JAZF1: variants seen among roughly 807,000 people sequenced by gnomAD.
JAZF1 encodes JAZF zinc finger 1, also known as juxtaposed with another zinc finger protein 1.
JAZF1 carries 8 observed loss-of-function variants against 26.4 expected under a neutral mutation model. That is an observed-to-expected ratio of 0.30 (90% CI 0.18 to 0.55). The LOEUF (loss-of-function observed/expected upper bound fraction) is 0.55, where lower values mean the gene tolerates loss of function less well. Among genes scored for constraint, JAZF1 ranks in the 20% least tolerant of loss-of-function variants. The pLI, the probability that JAZF1 is intolerant of heterozygous loss-of-function variation, is 0.94. For missense variants in JAZF1, 199 were observed against 322.0 expected (o/e 0.62, Z 2.92); for synonymous variants, 126 against 122.3 (o/e 1.03, Z -0.20).
chr7:28,099,765 C>T (rs567863822), intron 1 of JAZF1, among the ~76,000 whole-genome samples: 4 of 152,146 alleles, frequency 2.6e-5, no homozygotes, highest in Admixed American at 6.5e-5. Flanking sequence ...CACGATCCAC[C>T]GCGCCTGGCC....
intron 1 of JAZF1, among the ~76,000 whole-genome samples, chr7:28,058,807 T>C (rs1269916270): frequency 6.6e-6 from 1 of 152,244 alleles, no homozygotes; most frequent in African/African-American, 2.4e-5. Context: ...GATTTTATAG[T>C]GCAATTTTCT....
intron 1 of JAZF1, among the ~76,000 whole-genome samples, chr7:28,124,035 CT>C (rs2127939050): frequency 6.6e-6 from 1 of 152,246 alleles, no homozygotes; most frequent in South Asian, 2.1e-4. Context: ...TTGGGGCTGA[CT>C]TGTGTCCTTC....
At position 27,954,354 on chromosome 7, in the gene JAZF1, G is replaced by A. The variant is rs57852493; in HGVS notation, c.188+37555C>T. ...GGCCCCTGGAAGCTCAGTGCCTGCC[G>A]TCATCTGCAGAGGAACATTCTCTGT... On this transcript the variant is annotated intron_variant, in intron 2 of 4. Transcript: ENST00000283928. 4.7e-3 allele frequency among the ~76,000 whole-genome samples: 723 copies of A among 152,238 alleles called. 4 individuals carry two copies. The highest frequency in any genetic ancestry group is 0.016 in the African/African-American group (683 of 41,538).
chr7:27,892,835 G>A (rs1198711351), intron 3 of JAZF1, among the ~76,000 whole-genome samples: 1 of 152,184 alleles, frequency 6.6e-6, no homozygotes, highest in African/African-American at 2.4e-5. Flanking sequence ...ATACAAAGTT[G>A]AAAACCCCAG....
At chr7:28,053,627 TAA>T (rs1783651351) in intron 1 of JAZF1, among the ~76,000 whole-genome samples, 2 of 152,222 alleles carry the variant, frequency 1.3e-5, no homozygotes, top group African/African-American at 4.8e-5. Context: ...TACCTCCTAT[TAA>T]TGGCAAAAAG....
intron 3 of JAZF1, among the ~76,000 whole-genome samples, chr7:27,882,607 G>C (rs747962679): frequency 2.0e-5 from 3 of 152,216 alleles, no homozygotes; most frequent in Non-Finnish European, 4.4e-5. Flanking sequence ...CAGGAGCAGT[G>C]AGATTCTGTC....
At chr7:28,066,329 C>T (rs1338909226) in intron 1 of JAZF1, among the ~76,000 whole-genome samples, 1 of 152,074 alleles carries the variant, frequency 6.6e-6, no homozygotes, top group African/African-American at 2.4e-5. Context: ...CAAGGCTGGG[C>T]GCAGTGGCTC....
At chr7:27,889,525 A>G (rs1354018703) in intron 3 of JAZF1, among the ~76,000 whole-genome samples, 1 of 152,244 alleles carries the variant, frequency 6.6e-6, no homozygotes, top group Non-Finnish European at 1.5e-5. Context: ...TATAAAAAGA[A>G]AGACAAACTC....
intron 2 of JAZF1, among the ~76,000 whole-genome samples, chr7:27,935,068 G>A (rs534160335): frequency 2.0e-5 from 3 of 152,300 alleles, no homozygotes; most frequent in African/African-American, 7.2e-5. Context: ...CTCCAAAGAA[G>A]ATATACAAAT....
chr7:28,017,132 C>T (rs1167378988), intron 1 of JAZF1, among the ~76,000 whole-genome samples: 4 of 152,058 alleles, frequency 2.6e-5, no homozygotes, highest in African/African-American at 9.7e-5. Flanking sequence ...AGGTGGATCA[C>T]CCAAGGTCAG....
intron 1 of JAZF1, among the ~76,000 whole-genome samples, chr7:28,178,159 ATGAG>A (rs1783575512): frequency 6.6e-6 from 1 of 152,184 alleles, no homozygotes; most frequent in Non-Finnish European, 1.5e-5. Flanking sequence ...CCTTCTGGGA[ATGAG>A]GTAGCATTAC....
Position 27,831,740 on chromosome 7 carries a change from G to A in JAZF1, c.*1060C>T. 1 of 225,236 alleles carries A rather than the reference G, an allele frequency of 4.4e-6. No individual in the cohort carries two copies. Among genetic ancestry groups the A allele is most frequent in the Middle Eastern group, 1.4e-3 (1 of 732 alleles). The allele number at this position is 225,236 out of a possible 1,614,324, so 14.0% of individuals were successfully genotyped here. ...AAATGAGCATGAAGAAGAGGCAATA[G>A]GGGTCTTAACAAAAGTGTTCATCTT... On this transcript the variant is annotated 3_prime_UTR_variant, in exon 5 of 5. Coordinates refer to ENST00000283928, the MANE Select transcript of JAZF1 (RefSeq NM_175061.4).
intron 1 of JAZF1, among the ~76,000 whole-genome samples, chr7:28,061,196 A>G (rs1783791553): frequency 6.6e-6 from 1 of 152,218 alleles, no homozygotes; most frequent in South Asian, 2.1e-4. Flanking sequence ...CATAGCCAGC[A>G]TTCAAAAGAA....
chr7:27,845,711 A>AG (rs532325830), intron 3 of JAZF1, among the ~76,000 whole-genome samples: 2 of 137,666 alleles, frequency 1.5e-5, no homozygotes, highest in Non-Finnish European at 1.5e-5. Flanking sequence ...AAAAAAAAAA[A>AG]AAAGAAAAGA....
At chr7:28,127,031 T>C (rs935342950) in intron 1 of JAZF1, among the ~76,000 whole-genome samples, 9 of 152,324 alleles carry the variant, frequency 5.9e-5, no homozygotes, top group African/African-American at 1.7e-4. Context: ...TTCCAGACAC[T>C]CAATCAAGGC....
Position 28,035,313 on chromosome 7 carries a change from C to CAAAAAAAAAAAA in JAZF1, c.116-43344_116-43333dup, listed in dbSNP as rs201602870. Among the ~76,000 whole-genome samples, 189 of 27,444 alleles carry CAAAAAAAAAAAA rather than the reference C, an allele frequency of 6.9e-3. 10 individuals are homozygous for CAAAAAAAAAAAA. The highest frequency in any genetic ancestry group is 9.7e-3 in the African/African-American group (61 of 6,284). The allele number at this position is 27,444 out of a possible 152,430, so 18.0% of individuals were successfully genotyped here. A position where few individuals can be genotyped will look rare whatever the true frequency, so the allele number is the denominator to read the frequency against. The stretch of plus-strand genomic sequence containing the variant: ...TGGGCGACAAAGTGAGACTCCATCT[C>CAAAAAAAAAAAA]AAAAAAAAAAAAAAAAAAAAAAAAA... On this transcript the variant is annotated intron_variant, in intron 1 of 4. Coordinates refer to ENST00000283928, the MANE Select transcript of JAZF1 (RefSeq NM_175061.4).
intron 2 of JAZF1, among the ~76,000 whole-genome samples, chr7:27,979,919 A>G (rs1215624148): frequency 6.6e-6 from 1 of 152,110 alleles, no homozygotes; most frequent in African/African-American, 2.4e-5. Flanking sequence ...TATAGGAATT[A>G]CTGGTTACCT....
At chr7:27,871,684 TTCTATG>T (rs941981952) in intron 3 of JAZF1, among the ~76,000 whole-genome samples, 19 of 152,236 alleles carry the variant, frequency 1.2e-4, no homozygotes, top group African/African-American at 4.6e-4. Flanking sequence ...GAGAAATGTT[TTCTATG>T]TCTATATTTT....
intron 1 of JAZF1, among the ~76,000 whole-genome samples, chr7:28,127,408 TG>T (rs1782715296): frequency 6.6e-6 from 1 of 152,072 alleles, no homozygotes; most frequent in South Asian, 2.1e-4. Flanking sequence ...GGACCTGCAT[TG>T]GGAATGGTGA....
Sources: gnomAD v4.1 joint callset for allele counts (sites outside exome capture counted in the v4.1 genomes callset) on GRCh38, gnomAD v4.1.1 for gene constraint, MANE v1.5 for transcripts, NCBI Gene and HGNC (gene_info 2026-07-23, HGNC 2026-07-21) for gene names.